CCM2: variants seen among roughly 807,000 people sequenced by gnomAD.
CCM2 encodes CCM2 scaffold protein.
A neutral mutation model predicts 44.9 loss-of-function variants in CCM2; 25 were observed. That is an observed-to-expected ratio of 0.56 (90% confidence interval 0.41 to 0.78). The LOEUF (loss-of-function observed/expected upper bound fraction) is 0.78. Ranked by LOEUF, CCM2 falls within the 30% of genes least tolerant of loss-of-function variation. The pLI is 0.00. For synonymous variants in CCM2, 219 were observed against 241.1 expected (o/e 0.91, Z 0.85); for missense variants, 481 against 580.6 (o/e 0.83, Z 1.76).
intron 5 of CCM2, among the ~76,000 whole-genome samples, chr7:45,069,117 G>A (rs1011841035): frequency 8.5e-5 from 13 of 152,224 alleles, no homozygotes; most frequent in African/African-American, 3.1e-4. Context: ...AATAGCTGTG[G>A]GGCCTTGGCA....
chr7:45,050,520 C>T (rs538223291), intron 2 of CCM2, among the ~76,000 whole-genome samples: 2 of 152,342 alleles, frequency 1.3e-5, no homozygotes, highest in Middle Eastern at 3.4e-3. Context: ...TTTCTCCACC[C>T]TCTGAGGAAC....
intron 1 of CCM2, chr7:45,027,551 G>T: frequency 7.0e-7 from 1 of 1,435,914 alleles, no homozygotes; most frequent in Non-Finnish European, 9.5e-7. Context: ...TCTGGGTGCT[G>T]CCTGCTTTTT....
chr7:45,025,607 C>T (rs1796656374), intron 1 of CCM2, among the ~76,000 whole-genome samples: 1 of 150,438 alleles, frequency 6.6e-6, no homozygotes, highest in Non-Finnish European at 1.5e-5. Flanking sequence ...GATCTCACCT[C>T]ACCGCAACCT....
At chr7:45,039,952 GGGAGGT>G (rs1164635715) in intron 2 of CCM2, among the ~76,000 whole-genome samples, 6 of 151,404 alleles carry the variant, frequency 4.0e-5, no homozygotes, top group Admixed American at 3.9e-4. Flanking sequence ...GCTTGAACCT[GGGAGGT>G]GGAGGTTGCA....
chr7:45,007,673 A>G (rs1334331457), intron 1 of CCM2, among the ~76,000 whole-genome samples: 1 of 152,196 alleles, frequency 6.6e-6, no homozygotes, highest in Non-Finnish European at 1.5e-5. Flanking sequence ...TTTAATAAGC[A>G]TAATAGGAAC....
chr7:45,042,130 C>T lies in CCM2; in HGVS notation c.204+3704C>T, dbSNP rs1280066088. Among the ~76,000 whole-genome samples the T allele has an allele frequency of 4.6e-5, 7 of 151,964 alleles. No homozygotes were observed. The East Asian group carries it at 1.3e-3, about 29-fold the overall frequency. On this transcript the variant is annotated intron_variant, in intron 2 of 9. Coordinates refer to ENST00000258781, the MANE Select transcript of CCM2 (RefSeq NM_031443.4). Reference sequence around the variant, plus strand: ...CTCTACTAGAAATACAAAAATTAGCCAGTTGTGGTGGCACACGCCTGTAAT... The same window carrying T: ...CTCTACTAGAAATACAAAAATTAGCTAGTTGTGGTGGCACACGCCTGTAAT...
At chr7:44,999,815 C>A, upstream of CCM2, 1 of 247,626 alleles carries the variant, frequency 4.0e-6, no homozygotes, top group Non-Finnish European at 7.6e-6. Flanking sequence ...CGCGCGCGCT[C>A]CCGCGCGCGC....
chr7:45,023,374 G>A (rs1368955281), intron 1 of CCM2, among the ~76,000 whole-genome samples: 2 of 152,076 alleles, frequency 1.3e-5, no homozygotes, highest in African/African-American at 4.8e-5. Flanking sequence ...ACATGGCGAA[G>A]CCCCATCTCT....
At chr7:45,000,146 G>A, upstream of CCM2, 1 of 112,722 alleles carries the variant, frequency 8.9e-6, no homozygotes, top group Non-Finnish European at 1.9e-5. Context: ...GTGGGGCCTG[G>A]GCGGGGCGGA....
intron 8 of CCM2, 60 bp downstream of exon 8, chr7:45,073,631 G>A (rs917190067): frequency 2.7e-5 from 33 of 1,205,312 alleles, no homozygotes; most frequent in Non-Finnish European, 3.4e-5. Flanking sequence ...CAGGGAGGAT[G>A]GGGGGAAGGG....
intron 1 of CCM2, among the ~76,000 whole-genome samples, chr7:45,031,756 A>G (rs1325719227): frequency 6.6e-6 from 1 of 151,838 alleles, no homozygotes; most frequent in Non-Finnish European, 1.5e-5. Flanking sequence ...ATTTTTTTTA[A>G]AAGATGAGGT....
At position 45,064,655 on chromosome 7, in the gene CCM2, G is replaced by C. The variant is rs746984207; in HGVS notation, c.472+9G>C. 1.5e-5 allele frequency: 24 copies of C among 1,613,486 alleles called. No homozygotes were observed. The highest frequency in any genetic ancestry group is 2.0e-5 in the Non-Finnish European group (24 of 1,179,984). ...GGTGGTCCTGAAGACAGGTACAGGA[G>C]GTCAGGGGTCAGGAGGGTCCTTGTC... On this transcript the variant is annotated intron_variant, in intron 4 of 9. Coordinates refer to ENST00000258781, the MANE Select transcript of CCM2 (RefSeq NM_031443.4).
intron 4 of CCM2, among the ~76,000 whole-genome samples, chr7:45,066,374 T>C (rs536462460): frequency 2.3e-4 from 35 of 152,332 alleles, no homozygotes; most frequent in African/African-American, 7.5e-4. Context: ...CTTGAACTCC[T>C]GGCCTCAAGC....
intron 2 of CCM2, among the ~76,000 whole-genome samples, chr7:45,040,533 G>A (rs2128730797): frequency 6.6e-6 from 1 of 152,250 alleles, no homozygotes; most frequent in Non-Finnish European, 1.5e-5. Flanking sequence ...AGAGTGAGAA[G>A]AAGTTATTAA....
chr7:44,999,924 C>G, upstream of CCM2: 2 of 303,996 alleles, frequency 6.6e-6, no homozygotes, highest in Non-Finnish European at 1.3e-5. Flanking sequence ...CTGAAGGACG[C>G]GGGGCGGGGT....
At position 45,038,396 on chromosome 7, in the gene CCM2, G is replaced by C. The variant is rs910903710; in HGVS notation, c.174G>C (p.Leu58=). 9 of 1,613,996 alleles carry C rather than the reference G, an allele frequency of 5.6e-6. No homozygotes were observed. The highest frequency in any genetic ancestry group is 1.7e-5 in the Admixed American group (1 of 60,006). The change falls in exon 2 of 10, where the codon CTG becomes CTC. Residue 58 remains leucine (L), a synonymous_variant. Transcript: ENST00000258781. ...CTGAGCGCGTCGAGCCAGACAGACT[G>C]CTGAGCGACTATATTGAGAAGGAGG... ...SLPERVEPDR[L]LSDYIEKEVK...
At chr7:45,048,219 G>T (rs726866) in intron 2 of CCM2, among the ~76,000 whole-genome samples, 80,157 of 151,926 alleles carry the variant, frequency 0.53, 22,617 homozygotes, top group African/African-American at 0.74. Flanking sequence ...GATTGTTGTT[G>T]TTTTGTTTTA....
intron 1 of CCM2, among the ~76,000 whole-genome samples, chr7:45,003,811 A>T (rs1429344113): frequency 6.6e-6 from 1 of 152,066 alleles, no homozygotes; most frequent in Non-Finnish European, 1.5e-5. Context: ...TTGCCCCACC[A>T]GGTGGCTATG....
chr7:45,047,528 C>T (rs1797815776), intron 2 of CCM2, among the ~76,000 whole-genome samples: 1 of 152,192 alleles, frequency 6.6e-6, no homozygotes, highest in South Asian at 2.1e-4. Context: ...CAGTGAGACC[C>T]TGTCTTAAAG....
Sources: gnomAD v4.1 joint callset for allele counts (sites outside exome capture counted in the v4.1 genomes callset) on GRCh38, gnomAD v4.1.1 for gene constraint, MANE v1.5 for transcripts, NCBI Gene and HGNC (gene_info 2026-07-23, HGNC 2026-07-21) for gene names.